Variants in CTNNA3 observed in about 807,000 individuals in gnomAD.
The protein encoded by CTNNA3 is catenin alpha-3.
In CTNNA3, 76 loss-of-function variants were observed where a neutral mutation model predicts 95.7. The observed-to-expected ratio is 0.79, with a 90% CI of 0.66 to 0.96. CTNNA3 has a LOEUF of 0.96. Ranked by LOEUF, CTNNA3 falls within the 40% of genes least tolerant of loss-of-function variation. The pLI, the probability that CTNNA3 is intolerant of heterozygous loss-of-function variation, is 0.00. For synonymous variants in CTNNA3, 431 were observed against 374.4 expected (o/e 1.15, Z -1.74); for missense variants, 1,191 against 1,089.8 (o/e 1.09, Z -1.31).
At chr10:67,190,466 G>A (rs981388163) in intron 6 of CTNNA3, among the ~76,000 whole-genome samples, 10 of 151,316 alleles carry the variant, frequency 6.6e-5, no homozygotes, top group African/African-American at 2.4e-4. Context: ...CCCAAACTGG[G>A]GTAGTAAAGT....
intron 7 of CTNNA3, among the ~76,000 whole-genome samples, chr10:67,063,321 C>T (rs1273610451): frequency 6.6e-6 from 1 of 152,122 alleles, no homozygotes; most frequent in Non-Finnish European, 1.5e-5. Flanking sequence ...TGGGGAACAA[C>T]ATAGCCTGAG....
Position 67,592,016 on chromosome 10 carries a change from C to T in CTNNA3, c.292+14841G>A, listed in dbSNP as rs749577683. ...ACTGCCAGTTCAGCATTAGAGTCCA[C>T]GACTGGAGTGAGAACTTTCATCCCT... On this transcript the variant is annotated intron_variant, in intron 3 of 17. Coordinates refer to ENST00000433211, the MANE Select transcript of CTNNA3 (RefSeq NM_013266.4). Among the ~76,000 whole-genome samples the T allele has an allele frequency of 1.4e-4, 22 of 152,220 alleles. No individual in the cohort carries two copies. The Middle Eastern group carries it at 0.017, about 118-fold the overall frequency.
intron 3 of CTNNA3, among the ~76,000 whole-genome samples, chr10:67,553,305 A>T (rs571816360): frequency 4.0e-5 from 6 of 150,756 alleles, no homozygotes; most frequent in Admixed American, 2.0e-4. Context: ...ACAAAATTTA[A>T]TTCATTTTAC....
At chr10:67,243,880 T>C (rs769619949) in intron 5 of CTNNA3, among the ~76,000 whole-genome samples, 16 of 152,216 alleles carry the variant, frequency 1.1e-4, no homozygotes, top group Non-Finnish European at 2.1e-4. Flanking sequence ...TGTTGACACG[T>C]CTGTGTCTCT....
chr10:66,615,506 T>C (rs1844479732), intron 10 of CTNNA3, among the ~76,000 whole-genome samples: 1 of 151,990 alleles, frequency 6.6e-6, no homozygotes, highest in Non-Finnish European at 1.5e-5. Context: ...TGGGTATATT[T>C]TTATTTTTTT....
At chr10:67,685,757 A>C (rs199929252) in intron 1 of CTNNA3, among the ~76,000 whole-genome samples, 1 of 149,662 alleles carries the variant, frequency 6.7e-6, no homozygotes, top group Admixed American at 6.7e-5. Flanking sequence ...TACTACTTCT[A>C]TCTCTCTCTT....
intron 5 of CTNNA3, among the ~76,000 whole-genome samples, chr10:67,482,621 G>A (rs951019881): frequency 6.6e-6 from 1 of 152,186 alleles, no homozygotes; most frequent in African/African-American, 2.4e-5. Context: ...TTTTGCTGAA[G>A]TTGCTTATCA....
intron 16 of CTNNA3, among the ~76,000 whole-genome samples, chr10:65,981,726 A>G (rs2078323171): frequency 6.6e-6 from 1 of 151,812 alleles, no homozygotes; most frequent in Admixed American, 6.6e-5. Flanking sequence ...TTGCAAAGTA[A>G]ACAAAAACAT....
intron 7 of CTNNA3, among the ~76,000 whole-genome samples, chr10:66,824,096 A>T (rs541308114): frequency 1.3e-5 from 2 of 151,850 alleles, no homozygotes; most frequent in African/African-American, 4.8e-5. Flanking sequence ...TTAATGGTTA[A>T]GAAATGTCAT....
intron 5 of CTNNA3, among the ~76,000 whole-genome samples, chr10:67,364,811 A>C (rs1316447600): frequency 4.6e-5 from 7 of 152,222 alleles, no homozygotes; most frequent in Non-Finnish European, 7.3e-5. Context: ...AAGGTAATTT[A>C]TACATTCAAT....
intron 13 of CTNNA3, among the ~76,000 whole-genome samples, chr10:66,125,370 T>A (rs1025371475): frequency 1.3e-5 from 2 of 152,164 alleles, no homozygotes; most frequent in Non-Finnish European, 2.9e-5. Flanking sequence ...AAGATGACCC[T>A]ACTACCCAGA....
intron 5 of CTNNA3, among the ~76,000 whole-genome samples, chr10:67,294,195 G>A (rs1839946717): frequency 6.6e-6 from 1 of 152,048 alleles, no homozygotes; most frequent in Non-Finnish European, 1.5e-5. Flanking sequence ...GCACTCAGTG[G>A]CACTCAATAA....
At chr10:66,394,508 C>T (rs989330411) in intron 11 of CTNNA3, among the ~76,000 whole-genome samples, 1 of 147,924 alleles carries the variant, frequency 6.8e-6, no homozygotes, top group Non-Finnish European at 1.5e-5. Context: ...TCCTCTCCCA[C>T]AGACTGAGAA....
intron 7 of CTNNA3, among the ~76,000 whole-genome samples, chr10:67,106,030 C>T (rs368900714): frequency 2.0e-5 from 3 of 152,170 alleles, no homozygotes; most frequent in East Asian, 3.9e-4. Context: ...GGCTTTGACA[C>T]GCAGCTATTT....
intron 5 of CTNNA3, among the ~76,000 whole-genome samples, chr10:67,266,587 G>A (rs1234774595): frequency 1.3e-5 from 2 of 152,104 alleles, no homozygotes; most frequent in Admixed American, 6.6e-5. Flanking sequence ...CTCAAAGGAA[G>A]ATGATGTGGA....
intron 5 of CTNNA3, among the ~76,000 whole-genome samples, chr10:67,500,553 G>A (rs1839196017): frequency 6.6e-6 from 1 of 152,154 alleles, no homozygotes; most frequent in Non-Finnish European, 1.5e-5. Flanking sequence ...ATTATTGTGT[G>A]GGAGTCTAAG....
intron 11 of CTNNA3, among the ~76,000 whole-genome samples, chr10:66,479,740 T>C (rs575361957): frequency 6.6e-6 from 1 of 150,426 alleles, no homozygotes; most frequent in South Asian, 2.1e-4. Context: ...GGCATGCTTA[T>C]TATGACAGTG....
chr10:66,926,991 A>T lies in CTNNA3; in HGVS notation c.1048-151467T>A, dbSNP rs186023766. The T allele has an allele frequency of 2.5e-6, 4 of 1,614,186 alleles. No individual in the cohort carries two copies. The Admixed American group carries it at 5.0e-5, about 20-fold the overall frequency. ...TTATAGCCCCCACTGTCTTACTGAC[A>T]ATGCTTTCTTCTGCCGAACGAGGAT... On this transcript the variant is annotated intron_variant, in intron 7 of 17. Coordinates refer to ENST00000433211, the MANE Select transcript of CTNNA3 (RefSeq NM_013266.4).
chr10:66,867,661 G>T (rs937738213), intron 7 of CTNNA3, among the ~76,000 whole-genome samples: 1 of 151,966 alleles, frequency 6.6e-6, no homozygotes, highest in African/African-American at 2.4e-5. Flanking sequence ...TAGCTCTCAC[G>T]TCTAAGTTCA....
Sources: gnomAD v4.1 joint callset for allele counts (sites outside exome capture counted in the v4.1 genomes callset) on GRCh38, gnomAD v4.1.1 for gene constraint, MANE v1.5 for transcripts, NCBI Gene and HGNC (gene_info 2026-07-23, HGNC 2026-07-21) for gene names.